FRMD4A: variants seen among roughly 807,000 people sequenced by gnomAD.
FRMD4A encodes FERM domain containing 4A, also known as FERM domain-containing protein 4A.
FRMD4A carries 29 observed loss-of-function variants against 129.1 expected under a neutral mutation model. The observed-to-expected ratio is 0.22, with a 90% CI of 0.17 to 0.31. FRMD4A has a LOEUF of 0.31. FRMD4A is among the 10% of genes least tolerant of loss of function. The pLI, the probability that FRMD4A is intolerant of heterozygous loss-of-function variation, is 1.00. For synonymous variants in FRMD4A, 634 were observed against 571.6 expected, an observed-to-expected ratio of 1.11 and a Z score of -1.56; for missense variants, 1,272 against 1,375.8, an observed-to-expected ratio of 0.92 and a Z score of 1.19.
intron 2 of FRMD4A, among the ~76,000 whole-genome samples, chr10:14,139,501 A>G (rs2131839687): frequency 6.6e-6 from 1 of 152,062 alleles, no homozygotes; most frequent in Non-Finnish European, 1.5e-5. Flanking sequence ...CAAGGCTGGA[A>G]TACTGTGGCT....
chr10:13,981,677 T>G (rs536715215), intron 2 of FRMD4A, among the ~76,000 whole-genome samples: 2 of 146,308 alleles, frequency 1.4e-5, no homozygotes, highest in South Asian at 4.3e-4. Flanking sequence ...AGGCGGAGGT[T>G]GTAGTGAGCC....
chr10:14,276,871 G>A (rs1218357), intron 2 of FRMD4A, among the ~76,000 whole-genome samples: 14,619 of 152,094 alleles, frequency 0.096, 1,717 homozygotes, highest in African/African-American at 0.28. Flanking sequence ...TGTTATTTAA[G>A]TATTTATTTA....
intron 2 of FRMD4A, among the ~76,000 whole-genome samples, chr10:14,126,523 T>C (rs949347095): frequency 7.2e-5 from 11 of 152,128 alleles, no homozygotes; most frequent in African/African-American, 2.7e-4. Context: ...GCTTTCTCCA[T>C]AGGCACTAGC....
intron 2 of FRMD4A, among the ~76,000 whole-genome samples, chr10:14,181,955 T>G (rs1841928324): frequency 1.3e-5 from 2 of 152,204 alleles, no homozygotes; most frequent in African/African-American, 4.8e-5. Flanking sequence ...CCTCCCAAAG[T>G]GCATGCTGGG....
intron 2 of FRMD4A, among the ~76,000 whole-genome samples, chr10:13,919,870 A>G (rs1413325318): frequency 6.6e-6 from 1 of 152,146 alleles, no homozygotes; most frequent in Non-Finnish European, 1.5e-5. Context: ...CCCAAGAGGC[A>G]GAGGTTGCAG....
chr10:14,014,518 C>G (rs1378373512), intron 2 of FRMD4A, among the ~76,000 whole-genome samples: 1 of 152,162 alleles, frequency 6.6e-6, no homozygotes, highest in Admixed American at 6.5e-5. Context: ...CCCCACCCAG[C>G]TATAGCCTAG....
intron 2 of FRMD4A, among the ~76,000 whole-genome samples, chr10:13,867,590 AT>A (rs2094383351): frequency 8.7e-6 from 1 of 115,156 alleles, no homozygotes; most frequent in African/African-American, 3.4e-5. Context: ...TATATATAAA[AT>A]AATATATATT....
Position 14,206,809 on chromosome 10 carries a change from C to CAAAAAAAAAA in FRMD4A, c.45+123239_45+123248dup, listed in dbSNP as rs57029013. Among the ~76,000 whole-genome samples, 71 of 43,060 alleles carry CAAAAAAAAAA rather than the reference C, an allele frequency of 1.6e-3. 2 individuals carry two copies. The highest frequency in any genetic ancestry group is 8.0e-3 in the East Asian group (10 of 1,246). The allele number at this position is 43,060 out of a possible 152,430, so 28.2% of individuals were successfully genotyped here. A position where few individuals can be genotyped will look rare whatever the true frequency, so the allele number is the denominator to read the frequency against. ...TGGATGACAGAGTGAGACGCTATCT[C>CAAAAAAAAAA]AAAAAAAAAAAAGAGAGACAGAGAA... On this transcript the variant is annotated intron_variant, in intron 2 of 24. Transcript: ENST00000357447.
At chr10:13,770,265 A>C (rs2092418216) in intron 6 of FRMD4A, among the ~76,000 whole-genome samples, 1 of 152,010 alleles carries the variant, frequency 6.6e-6, no homozygotes, top group Non-Finnish European at 1.5e-5. Context: ...GTTTTTCAGC[A>C]TCAAGTCACT....
At chr10:14,232,233 TG>T (rs1429842683) in intron 2 of FRMD4A, among the ~76,000 whole-genome samples, 1 of 152,222 alleles carries the variant, frequency 6.6e-6, no homozygotes, top group Non-Finnish European at 1.5e-5. Context: ...AAAGATTGGA[TG>T]GTTGTACATT....
rs891476258 is a variant in FRMD4A at position 14,317,669 on chromosome 10, G to C, written c.45+12389C>G. ...ACAAAGAGAAGGAATGGAAAGAGAAGAGAAGAGAATAGGAAGGGAACAGGA... is the reference window on the plus strand; with the variant it reads ...ACAAAGAGAAGGAATGGAAAGAGAACAGAAGAGAATAGGAAGGGAACAGGA... On this transcript the variant is annotated intron_variant, in intron 2 of 24. Coordinates refer to ENST00000357447, the MANE Select transcript of FRMD4A (RefSeq NM_018027.5). Among the ~76,000 whole-genome samples, 3 of 144,776 alleles carry C rather than the reference G, an allele frequency of 2.1e-5. No individual in the cohort carries two copies. The South Asian group carries it at 6.8e-4, about 33-fold the overall frequency. The allele number at this position is 144,776 out of a possible 152,430, so 95.0% of individuals were successfully genotyped here.
chr10:13,817,420 G>A (rs142967427), intron 3 of FRMD4A, among the ~76,000 whole-genome samples: 35 of 152,298 alleles, frequency 2.3e-4, no homozygotes, highest in Middle Eastern at 3.4e-3. Context: ...TAACTAGAAT[G>A]ATCAAAACAG....
At position 14,095,724 on chromosome 10, in the gene FRMD4A, T is replaced by C. The variant is rs1209563938; in HGVS notation, c.45+234334A>G. Among the ~76,000 whole-genome samples, 5 of 152,230 alleles carry C rather than the reference T, an allele frequency of 3.3e-5. No individual in the cohort carries two copies. The East Asian group carries it at 9.6e-4, about 29-fold the overall frequency. ...AAACAAAGACCACATGTGCTGGTTTTAGCCCATATATGATGTGGCATATAA... is the reference window on the plus strand; with the variant it reads ...AAACAAAGACCACATGTGCTGGTTTCAGCCCATATATGATGTGGCATATAA... On this transcript the variant is annotated intron_variant, in intron 2 of 24. Coordinates refer to ENST00000357447, the MANE Select transcript of FRMD4A (RefSeq NM_018027.5).
chr10:14,264,793 T>C lies in FRMD4A; in HGVS notation c.45+65265A>G, dbSNP rs79846734. ...CAAGTCTTGGAAAAGAAACACTTTTTTTTTTTTAGACGAAGTCTTGCTCTG... is the reference window on the plus strand; with the variant it reads ...CAAGTCTTGGAAAAGAAACACTTTTCTTTTTTTAGACGAAGTCTTGCTCTG... On this transcript the variant is annotated intron_variant, in intron 2 of 24. Coordinates refer to ENST00000357447, the MANE Select transcript of FRMD4A (RefSeq NM_018027.5). Among the ~76,000 whole-genome samples, 991 of 152,316 alleles carry C rather than the reference T, an allele frequency of 6.5e-3. 7 individuals carry two copies. The highest frequency in any genetic ancestry group is 0.022 in the African/African-American group (919 of 41,574).
At chr10:13,783,249 C>T (rs2092778997) in intron 5 of FRMD4A, among the ~76,000 whole-genome samples, 1 of 152,266 alleles carries the variant, frequency 6.6e-6, no homozygotes, top group Non-Finnish European at 1.5e-5. Context: ...GGGTCTACCA[C>T]CAATTTGTAA....
chr10:14,324,340 G>A (rs999910409), intron 2 of FRMD4A, among the ~76,000 whole-genome samples: 1 of 152,094 alleles, frequency 6.6e-6, no homozygotes, highest in African/African-American at 2.4e-5. Context: ...CTTAAGAAGG[G>A]TTTTTGCCAC....
At chr10:13,993,732 C>T (rs1339889068) in intron 2 of FRMD4A, among the ~76,000 whole-genome samples, 1 of 152,086 alleles carries the variant, frequency 6.6e-6, no homozygotes, top group African/African-American at 2.4e-5. Context: ...GTAATAAAAC[C>T]ATGTTCTCAG....
chr10:13,800,930 A>G (rs2093239104), intron 4 of FRMD4A, among the ~76,000 whole-genome samples: 1 of 152,220 alleles, frequency 6.6e-6, no homozygotes, highest in African/African-American at 2.4e-5. Context: ...ACATTTATCA[A>G]GCAATTAAAT....
chr10:13,944,637 G>A (rs2095318550), intron 2 of FRMD4A, among the ~76,000 whole-genome samples: 1 of 152,166 alleles, frequency 6.6e-6, no homozygotes, highest in South Asian at 2.1e-4. Context: ...GAACATGACA[G>A]GTCTGCATAA....
Sources: allele counts gnomAD v4.1 joint callset (sites outside exome capture counted in the v4.1 genomes callset), GRCh38; gene constraint gnomAD v4.1.1; transcripts MANE v1.5; gene names NCBI Gene and HGNC (gene_info 2026-07-23, HGNC 2026-07-21).